RTTN: variants seen among roughly 807,000 people sequenced by gnomAD.
The protein encoded by RTTN is rotatin.
RTTN carries 182 observed loss-of-function variants against 269.2 expected under a neutral mutation model. That is an observed-to-expected ratio of 0.68 (90% CI 0.60 to 0.76). The LOEUF is 0.76. RTTN is among the 30% of genes least tolerant of loss of function. The pLI is 0.00. For missense variants in RTTN, 2,545 were observed against 2,608.6 expected, an observed-to-expected ratio of 0.98 and a Z score of 0.53; for synonymous variants, 1,006 against 963.5, an observed-to-expected ratio of 1.04 and a Z score of -0.82.
intron 4 of RTTN, among the ~76,000 whole-genome samples, 193 bp from the exon 5 acceptor site, chr18:70,199,697 T>C (rs1724586421): frequency 6.6e-6 from 1 of 152,254 alleles, no homozygotes; most frequent in African/African-American, 2.4e-5. Context: ...TCTCTTTTCA[T>C]AATTTAAACA....
At chr18:70,074,088 C>A in intron 33 of RTTN, 94 bp from the exon 34 acceptor site, 3 of 780,894 alleles carry the variant, frequency 3.8e-6, no homozygotes, top group Non-Finnish European at 6.2e-6. Context: ...CAATTCAAAA[C>A]TAAAGAAAGG....
intron 28 of RTTN, among the ~76,000 whole-genome samples, chr18:70,100,161 T>C (rs932416108): frequency 3.9e-5 from 6 of 152,236 alleles, no homozygotes; most frequent in African/African-American, 1.2e-4. Flanking sequence ...ATCTATAAAT[T>C]ACCTTGGCCA....
Position 70,004,182 on chromosome 18 carries a change from T to C in RTTN, c.6650A>G (p.Glu2217Gly), listed in dbSNP as rs762811233. 8 of 1,613,864 alleles carry C rather than the reference T, an allele frequency of 5.0e-6. No individual in the cohort carries two copies. In the East Asian group the frequency reaches 1.8e-4, roughly 36 times the overall value. ...AGAATTAAGGAGCTGCACGAGGTTT[T>C]CAAGACATTTCAAATAATAGGCATT... ...PLNAYYLKCL[E>G]NLVQLLNSS Residue 2217 changes from glutamate to glycine, a missense_variant, in exon 49 of 49, where the codon GAA becomes GGA. Transcript: ENST00000640769.
At chr18:70,184,682 T>C (rs978759380) in intron 10 of RTTN, among the ~76,000 whole-genome samples, 5 of 142,232 alleles carry the variant, frequency 3.5e-5, no homozygotes, top group South Asian at 2.3e-4. Flanking sequence ...TTCAACTCAA[T>C]TCCATTCAAA....
intron 40 of RTTN, among the ~76,000 whole-genome samples, chr18:70,036,533 G>A (rs1484201565): frequency 1.3e-5 from 2 of 152,124 alleles, no homozygotes; most frequent in South Asian, 4.2e-4. Context: ...ATAGACAATG[G>A]GGCCTACCAG....
At position 70,057,040 on chromosome 18, in the gene RTTN, C is replaced by T. The variant is rs144574704; in HGVS notation, c.5031+702G>A. On this transcript the variant is annotated intron_variant, in intron 37 of 48. Coordinates refer to ENST00000640769, the MANE Select transcript of RTTN (RefSeq NM_173630.4). ...AGGTGAAAACACTGCACCAGGACAA[C>T]AGCTTCAAAGACCATGCGTGTAGCA... 9.8e-5 allele frequency among the ~76,000 whole-genome samples: 15 copies of T among 152,316 alleles called. No homozygotes were observed. The East Asian group carries it at 2.9e-3, about 29-fold the overall frequency.
chr18:70,184,717 TGTGTGTGTGTG>T (rs2061502413), intron 10 of RTTN, among the ~76,000 whole-genome samples: 1 of 19,030 alleles, frequency 5.3e-5, no homozygotes, highest in Non-Finnish European at 1.7e-4. Context: ...TTTTTTTTTT[TGTGTGTGTGTG>T]TGTGTGTGTG....
chr18:70,157,331 G>C (rs1414486472), intron 14 of RTTN, among the ~76,000 whole-genome samples: 1 of 152,188 alleles, frequency 6.6e-6, no homozygotes, highest in Non-Finnish European at 1.5e-5. Flanking sequence ...CCCAGGGTTA[G>C]AGCACACAGC....
intron 13 of RTTN, chr18:70,166,421 T>G: frequency 3.0e-6 from 1 of 328,468 alleles, no homozygotes; most frequent in Non-Finnish European, 5.5e-6. Context: ...AATCCCCTAC[T>G]CAGTTAATGA....
At chr18:70,125,853 G>T (rs1381198) in intron 25 of RTTN, among the ~76,000 whole-genome samples, 126,108 of 151,834 alleles carry the variant, frequency 0.83, 55,487 homozygotes, top group East Asian at 1. Flanking sequence ...TACATACATT[G>T]CTGGAAGTAA....
intron 29 of RTTN, among the ~76,000 whole-genome samples, 188 bp downstream of exon 29, chr18:70,092,488 A>G (rs189897388): frequency 2.0e-4 from 31 of 152,354 alleles, no homozygotes; most frequent in African/African-American, 7.2e-4. Context: ...TCAATTTCAA[A>G]TAAGATTCAG....
intron 11 of RTTN, among the ~76,000 whole-genome samples, chr18:70,173,754 T>G (rs557500562): frequency 6.6e-5 from 10 of 152,298 alleles, no homozygotes; most frequent in African/African-American, 1.7e-4. Context: ...ACCTCACGTT[T>G]AAAAATACAG....
chr18:70,035,882 G>A (rs1289810004), intron 40 of RTTN, among the ~76,000 whole-genome samples: 1 of 152,098 alleles, frequency 6.6e-6, no homozygotes, highest in Non-Finnish European at 1.5e-5. Flanking sequence ...CCATTAAGAA[G>A]TGGGCAAAGG....
At chr18:70,150,801 TTC>T in intron 14 of RTTN, 68 bp from the exon 15 acceptor site, 1 of 1,297,980 alleles carries the variant, frequency 7.7e-7, no homozygotes, top group South Asian at 1.4e-5. Context: ...TCCATCTTTC[TTC>T]TGTTTACAAT....
At chr18:70,029,028 G>C (rs573160638) in intron 42 of RTTN, among the ~76,000 whole-genome samples, 27 of 152,220 alleles carry the variant, frequency 1.8e-4, no homozygotes, top group Middle Eastern at 3.4e-3. Flanking sequence ...ATCAAGCATG[G>C]AGGAACTCGG....
intron 43 of RTTN, among the ~76,000 whole-genome samples, chr18:70,028,385 C>T (rs994405883): frequency 1.3e-5 from 2 of 152,132 alleles, no homozygotes; most frequent in African/African-American, 2.4e-5. Context: ...ATACAGATAG[C>T]TTCACTTATT....
intron 33 of RTTN, chr18:70,074,895 T>C (rs1434764925): frequency 6.6e-6 from 1 of 151,662 alleles, no homozygotes; most frequent in Non-Finnish European, 1.5e-5. Flanking sequence ...ATGAGCAAAA[T>C]GAATTAGAAA....
intron 28 of RTTN, among the ~76,000 whole-genome samples, chr18:70,098,604 T>C (rs905567708): frequency 2.0e-5 from 3 of 152,128 alleles, no homozygotes; most frequent in African/African-American, 4.8e-5. Flanking sequence ...ATACTGACAG[T>C]TGAACCTTTT....
chr18:70,027,072 A>C (rs77685439), intron 43 of RTTN, among the ~76,000 whole-genome samples: 2,808 of 151,966 alleles, frequency 0.018, 77 homozygotes, highest in African/African-American at 0.064. Flanking sequence ...TTTACTCCCT[A>C]CCCTCCTTCT....
Sources: allele counts gnomAD v4.1 joint callset (sites outside exome capture counted in the v4.1 genomes callset), GRCh38; gene constraint gnomAD v4.1.1; transcripts MANE v1.5; gene names NCBI Gene and HGNC (gene_info 2026-07-23, HGNC 2026-07-21).